Variants in LCN1 observed in about 807,000 individuals in gnomAD.
The protein encoded by LCN1 is lipocalin 1.
LCN1 carries 25 observed loss-of-function variants against 22.3 expected under a neutral mutation model. The ratio of observed to expected loss-of-function variants is 1.12; its 90% CI spans 0.82 to 1.56. LCN1 has a LOEUF of 1.56. LCN1 is among the 40% of genes most tolerant of loss of function. The probability of loss-of-function intolerance (pLI) is 0.00; values close to 1 mark genes in which losing one functional copy is unlikely to be tolerated. For missense variants in LCN1, 219 were observed against 235.6 expected (o/e 0.93, Z 0.46); for synonymous variants, 85 against 97.6 (o/e 0.87, Z 0.76).
chr9:135,524,608 T>C (rs1422906887), intron 4 of LCN1, among the ~76,000 whole-genome samples: 2 of 152,146 alleles, frequency 1.3e-5, no homozygotes, highest in Non-Finnish European at 2.9e-5. Flanking sequence ...CAGGGATGGA[T>C]GGAGAGCCCT....
intron 3 of LCN1, 112 bp from the exon 4 acceptor site, chr9:135,523,768 G>A: frequency 1.2e-6 from 1 of 849,284 alleles, no homozygotes; most frequent in Non-Finnish European, 1.9e-6. Context: ...CTGGGAGGCT[G>A]GGAGGGTGCA....
chr9:135,525,941 G>A (rs1316245607), intron 6 of LCN1, among the ~76,000 whole-genome samples: 3 of 82,328 alleles, frequency 3.6e-5, no homozygotes, highest in Admixed American at 1.6e-4. Context: ...ACGTGCCCCC[G>A]CAACCATCGC....
At chr9:135,523,812 C>A in intron 3 of LCN1, 68 bp from the exon 4 acceptor site, 1 of 1,358,890 alleles carries the variant, frequency 7.4e-7, no homozygotes. Flanking sequence ...TGGCAACGCA[C>A]GCTGTCCCGG....
At chr9:135,523,579 G>A (rs1342685353) in intron 3 of LCN1, among the ~76,000 whole-genome samples, 3 of 152,194 alleles carry the variant, frequency 2.0e-5, no homozygotes, top group East Asian at 1.9e-4. Context: ...GAGCAGAGTC[G>A]TATTTGGCTG....
At chr9:135,523,328 C>T (rs1831547360) in intron 3 of LCN1, 26 bp downstream of exon 3, 1 of 1,604,306 alleles carries the variant, frequency 6.2e-7, no homozygotes, top group Middle Eastern at 1.7e-4. Context: ...TGAGCCAGAG[C>T]CTGAGCTTGA....
At chr9:135,526,292 C>T in intron 6 of LCN1, 52 bp from the exon 7 acceptor site, 2 of 675,502 alleles carry the variant, frequency 3.0e-6, no homozygotes. Context: ...CACATTGCAT[C>T]CCCCTCCCAC....
chr9:135,523,836 G>A lies in LCN1; in HGVS notation c.293-44G>A, dbSNP rs376583599. On this transcript the variant is annotated intron_variant, in intron 3 of 6. Coordinates refer to ENST00000371781, the MANE Select transcript of LCN1 (RefSeq NM_002297.4). ...ACGCTGTCCCGGGATCCTCTCTGAA[G>A]TCCCTGGTGGCTAATTCAGGAATGT... The A allele has an allele frequency of 1.4e-5, 22 of 1,539,270 alleles. No individual in the cohort carries two copies. In the African/African-American group the frequency reaches 2.7e-4, roughly 19 times the overall value.
chr9:135,523,902 C>T lies in LCN1; in HGVS notation c.315C>T (p.Tyr105=). The part of the protein sequence containing the change: ...YTADGGKHVA[Y]IIRSHVKDHY... ...CAGACGGGGGCAAGCACGTGGCATA[C>T]ATCATCAGGTCGCACGTGAAGGACC... The change falls in exon 4 of 7, where the codon TAC becomes TAT. Residue 105 remains tyrosine (Y), a synonymous_variant. Transcript: ENST00000371781. 8.1e-6 allele frequency: 13 copies of T among 1,614,122 alleles called. No homozygotes were observed. The highest frequency in any genetic ancestry group is 1.1e-5 in the Non-Finnish European group (13 of 1,179,974).
At position 135,521,607 on chromosome 9, in the gene LCN1, G is replaced by A. The variant is rs748274038; in HGVS notation, c.90+20G>A. 5.0e-6 allele frequency: 8 copies of A among 1,593,044 alleles called. No individual in the cohort carries two copies. The South Asian group carries it at 9.0e-5, about 18-fold the overall frequency. ...CAGGATGTGAGGCCCGGATGGGAAG[G>A]CTGGGCTGGAGGGGGCAAGGGGCGA... On this transcript the variant is annotated intron_variant, in intron 1 of 6. Coordinates refer to ENST00000371781, the MANE Select transcript of LCN1 (RefSeq NM_002297.4).
At chr9:135,522,374 G>C (rs1422962922) in intron 2 of LCN1, among the ~76,000 whole-genome samples, 197 bp downstream of exon 2, 1 of 152,222 alleles carries the variant, frequency 6.6e-6, no homozygotes. Context: ...CAGAGGCCCC[G>C]GATCAGACCC....
chr9:135,521,981 C>A (rs2118944738), intron 1 of LCN1, 66 bp from the exon 2 acceptor site: 1 of 1,563,608 alleles, frequency 6.4e-7, no homozygotes, highest in South Asian at 1.2e-5. Context: ...CTAGGGGCTG[C>A]AGGCCAGGGA....
Position 135,523,875 on chromosome 9 carries a change from T to C in LCN1, c.293-5T>C. The C allele has an allele frequency of 2.5e-6, 4 of 1,613,388 alleles. No homozygotes were observed. The highest frequency in any genetic ancestry group is 1.7e-5 in the Admixed American group (1 of 60,004). ...ATTCAGGAATGTGCTGCTGTCTTTC[T>C]GCAGACGGGGGCAAGCACGTGGCAT... On this transcript the variant is annotated splice_region_variant and splice_polypyrimidine_tract_variant and intron_variant, in intron 3 of 6. Transcript: ENST00000371781.
At chr9:135,522,009 C>T (rs1319968678) in intron 1 of LCN1, 38 bp from the exon 2 acceptor site, 16 of 1,586,084 alleles carry the variant, frequency 1.0e-5, no homozygotes, top group Non-Finnish European at 1.4e-5. Context: ...GGCTCTGGAG[C>T]AGTCGGCCTG....
chr9:135,523,386 T>C, intron 3 of LCN1, 84 bp downstream of exon 3: 1 of 1,334,952 alleles, frequency 7.5e-7, no homozygotes, highest in Non-Finnish European at 1.0e-6. Context: ...TGGGGTGGCC[T>C]TTTGGCCTGG....
intron 1 of LCN1, 53 bp from the exon 2 acceptor site, chr9:135,521,994 G>A: frequency 6.3e-7 from 1 of 1,577,290 alleles, no homozygotes; most frequent in Non-Finnish European, 8.6e-7. Context: ...GCCAGGGAAG[G>A]GGGAGGCTCT....
At position 135,522,004 on chromosome 9, in the gene LCN1, T is replaced by C. The variant is rs761404518; in HGVS notation, c.91-43T>C. 23 of 1,584,186 alleles carry C rather than the reference T, an allele frequency of 1.5e-5. No individual in the cohort carries two copies. In the South Asian group the frequency reaches 2.7e-4, roughly 18 times the overall value. On this transcript the variant is annotated intron_variant, in intron 1 of 6. Transcript: ENST00000371781. ...TGCAGGCCAGGGAAGGGGGAGGCTC[T>C]GGAGCAGTCGGCCTGAGCCTGATAG... is the stretch of plus-strand genomic sequence containing the variant.
intron 1 of LCN1, among the ~76,000 whole-genome samples, chr9:135,521,834 G>T (rs1233527065): frequency 3.3e-5 from 5 of 152,226 alleles, no homozygotes; most frequent in African/African-American, 1.2e-4. Context: ...CCCTGGGGAT[G>T]AGGGCTCCTG....
Position 135,524,039 on chromosome 9 carries a change from C to G in LCN1, c.403+49C>G. The G allele has an allele frequency of 2.8e-6, 4 of 1,417,628 alleles. No individual in the cohort carries two copies. In the South Asian group the frequency reaches 3.5e-5, roughly 12 times the overall value. 87.8% of individuals were successfully genotyped at this position (1,417,628 alleles called of 1,614,324 possible). A position where few individuals can be genotyped will look rare whatever the true frequency, so the allele number is the denominator to read the frequency against. On this transcript the variant is annotated intron_variant, in intron 4 of 6. Coordinates refer to ENST00000371781, the MANE Select transcript of LCN1 (RefSeq NM_002297.4). The stretch of plus-strand genomic sequence containing the variant: ...CAACCCATGCCTCCACCTGCCCTCC[C>G]TCCTCCCTCGGCCTCCTGCACCCTC...
chr9:135,522,236 C>T, intron 2 of LCN1, 59 bp downstream of exon 2: 6 of 1,558,268 alleles, frequency 3.9e-6, no homozygotes, highest in Non-Finnish European at 5.2e-6. Flanking sequence ...TTCCCTTTCC[C>T]CACCCAGGAG....
Sources: gnomAD v4.1 joint callset for allele counts (sites outside exome capture counted in the v4.1 genomes callset) on GRCh38, gnomAD v4.1.1 for gene constraint, MANE v1.5 for transcripts, NCBI Gene and HGNC (gene_info 2026-07-23, HGNC 2026-07-21) for gene names.